CADPS2: variants seen among roughly 807,000 people sequenced by gnomAD.
The protein encoded by CADPS2 is calcium dependent secretion activator 2.
CADPS2 carries 93 observed loss-of-function variants against 172.5 expected under a neutral mutation model. The observed-to-expected ratio is 0.54, with a 90% CI of 0.46 to 0.64. CADPS2 has a LOEUF of 0.64. Ranked by LOEUF, CADPS2 falls within the 30% of genes least tolerant of loss-of-function variation. The pLI, the probability that CADPS2 is intolerant of heterozygous loss-of-function variation, is 0.00. For synonymous variants in CADPS2, 546 were observed against 555.2 expected (o/e 0.98, Z 0.23); for missense variants, 1,420 against 1,565.9 (o/e 0.91, Z 1.57).
intron 2 of CADPS2, among the ~76,000 whole-genome samples, chr7:122,701,200 G>T (rs922369643): frequency 6.6e-6 from 1 of 151,982 alleles, no homozygotes; most frequent in Non-Finnish European, 1.5e-5. Context: ...TTGGATAAGG[G>T]CAAAAAGGGA....
intron 6 of CADPS2, among the ~76,000 whole-genome samples, chr7:122,588,180 T>C (rs931279237): frequency 2.0e-5 from 3 of 152,162 alleles, no homozygotes; most frequent in Admixed American, 6.6e-5. Flanking sequence ...ACTCTGATGA[T>C]AGTTTCTTTT....
chr7:122,696,246 C>T (rs1245285491), intron 2 of CADPS2, among the ~76,000 whole-genome samples: 2 of 152,092 alleles, frequency 1.3e-5, no homozygotes, highest in African/African-American at 2.4e-5. Flanking sequence ...GGTCCCTCGT[C>T]CCTCAGGAAA....
At chr7:122,654,893 C>A (rs547119853) in intron 3 of CADPS2, among the ~76,000 whole-genome samples, 29 of 152,230 alleles carry the variant, frequency 1.9e-4, no homozygotes, top group African/African-American at 7.0e-4. Flanking sequence ...ACTTGTGATT[C>A]AAGGGAGGAA....
intron 1 of CADPS2, among the ~76,000 whole-genome samples, chr7:122,739,329 CTG>C (rs1588900835): frequency 6.6e-6 from 1 of 152,120 alleles, no homozygotes; most frequent in Non-Finnish European, 1.5e-5. Context: ...AAACTAGAAA[CTG>C]TGTATTTTTT....
In CADPS2 at chr7:122,886,206, C is replaced by A. The variant is rs1563255246; in HGVS notation, c.132G>T (p.Ala44=). 4.1e-6 allele frequency: 6 copies of A among 1,470,826 alleles called. No homozygotes were observed. The highest frequency in any genetic ancestry group is 5.4e-6 in the Non-Finnish European group (6 of 1,120,980). The allele number at this position is 1,470,826 out of a possible 1,614,324, so 91.1% of individuals were successfully genotyped here. The change falls in exon 1 of 30, where the codon GCG becomes GCT. Residue 44 remains alanine, a synonymous_variant. Transcript: ENST00000449022. ...PAPTREGRRD[A]PGRAGGGGAA... ...CGCCGCCGCCGCCCGCGCGCCCCGG[C>A]GCGTCCCGCCGCCCTTCCCGAGTCG...
chr7:122,379,357 T>A lies in CADPS2; in HGVS notation c.3387+11A>T. 1 of 1,535,998 alleles carries A rather than the reference T, an allele frequency of 6.5e-7. No homozygotes were observed. The highest frequency in any genetic ancestry group is 8.9e-7 in the Non-Finnish European group (1 of 1,122,488). ...ACTTTGATTTAAAAAGGTGAATAAA[T>A]AATACATTACCTTTGAAACTAACAG... On this transcript the variant is annotated intron_variant, in intron 25 of 29. Transcript: ENST00000449022.
In CADPS2 at chr7:122,655,767, A is replaced by AATT. The variant is rs1309607742; in HGVS notation, c.786+7467_786+7469dup. ...TTTATTTTCATAATTTCTGTAAAAT[A>AATT]ATTATTATTATATGTCCTTATTTAC... On this transcript the variant is annotated intron_variant, in intron 3 of 29. Coordinates refer to ENST00000449022, the MANE Select transcript of CADPS2 (RefSeq NM_017954.11). Among the ~76,000 whole-genome samples the AATT allele has an allele frequency of 2.0e-5, 3 of 152,266 alleles. No individual in the cohort carries two copies. The East Asian group carries it at 5.8e-4, about 29-fold the overall frequency.
chr7:122,701,638 C>A, intron 2 of CADPS2: 1 of 403,948 alleles, frequency 2.5e-6, no homozygotes, highest in South Asian at 8.5e-5. Flanking sequence ...ACAATTAAAA[C>A]TGATTAGAAA....
At chr7:122,512,078 G>C (rs2060042890) in intron 9 of CADPS2, among the ~76,000 whole-genome samples, 1 of 151,982 alleles carries the variant, frequency 6.6e-6, no homozygotes, top group Admixed American at 6.6e-5. Flanking sequence ...TGTAAGAAGA[G>C]GTTACTTTTT....
At chr7:122,578,336 A>G (rs980202680) in intron 7 of CADPS2, among the ~76,000 whole-genome samples, 1 of 152,100 alleles carries the variant, frequency 6.6e-6, no homozygotes, top group African/African-American at 2.4e-5. Context: ...GTAACAACCT[A>G]AAGTCTAAAG....
chr7:122,778,844 A>G (rs1303498030), intron 1 of CADPS2, among the ~76,000 whole-genome samples: 1 of 152,184 alleles, frequency 6.6e-6, no homozygotes, highest in African/African-American at 2.4e-5. Context: ...ACGACATGAA[A>G]CTTGGGAGGG....
At chr7:122,877,940 A>G (rs1194988350) in intron 1 of CADPS2, among the ~76,000 whole-genome samples, 1 of 152,138 alleles carries the variant, frequency 6.6e-6, no homozygotes, top group African/African-American at 2.4e-5. Context: ...GAGAAGATGA[A>G]GTCCAGGCCC....
chr7:122,869,592 A>ATTC (rs1225377638), intron 1 of CADPS2, among the ~76,000 whole-genome samples: 1 of 152,098 alleles, frequency 6.6e-6, no homozygotes, highest in East Asian at 1.9e-4. Context: ...AAAATGTGTC[A>ATTC]TTCAAGCTAA....
At chr7:122,435,896 T>C (rs2050580821) in intron 17 of CADPS2, among the ~76,000 whole-genome samples, 1 of 152,058 alleles carries the variant, frequency 6.6e-6, no homozygotes, top group African/African-American at 2.4e-5. Context: ...ATGATACCAC[T>C]TATATGAGGA....
intron 25 of CADPS2, among the ~76,000 whole-genome samples, chr7:122,372,142 CTTGT>C (rs531311748): frequency 3.3e-5 from 5 of 152,164 alleles, no homozygotes; most frequent in Non-Finnish European, 7.3e-5. Context: ...CCACAGAAAG[CTTGT>C]TTAAGTAACT....
At chr7:122,527,700 C>A (rs904616729) in intron 8 of CADPS2, among the ~76,000 whole-genome samples, 2 of 149,388 alleles carry the variant, frequency 1.3e-5, no homozygotes, top group Non-Finnish European at 3.0e-5. Flanking sequence ...ATTATTATGA[C>A]ACGTATTTTC....
intron 27 of CADPS2, among the ~76,000 whole-genome samples, chr7:122,351,989 T>G (rs1445663893): frequency 1.3e-5 from 2 of 152,194 alleles, no homozygotes; most frequent in Non-Finnish European, 1.5e-5. Context: ...AATGATAGTT[T>G]AAGATATTAG....
intron 1 of CADPS2, among the ~76,000 whole-genome samples, chr7:122,875,285 G>C (rs1820914464): frequency 6.6e-6 from 1 of 152,146 alleles, no homozygotes; most frequent in African/African-American, 2.4e-5. Flanking sequence ...TCTGAACAAA[G>C]TAGAATCCTT....
intron 2 of CADPS2, among the ~76,000 whole-genome samples, chr7:122,729,053 A>G (rs2091387828): frequency 6.6e-6 from 1 of 151,712 alleles, no homozygotes; most frequent in South Asian, 2.1e-4. Flanking sequence ...GGTATTTATC[A>G]TTCGTTTGCT....
Sources: gnomAD v4.1 joint callset for allele counts (sites outside exome capture counted in the v4.1 genomes callset) on GRCh38, gnomAD v4.1.1 for gene constraint, MANE v1.5 for transcripts, NCBI Gene and HGNC (gene_info 2026-07-23, HGNC 2026-07-21) for gene names.